Variants in GABRG3 observed in about 807,000 individuals in gnomAD.
GABRG3 encodes gamma-aminobutyric acid receptor subunit gamma-3.
Under a neutral mutation model 48.8 loss-of-function variants are expected in GABRG3, and 25 were observed. That is an observed-to-expected ratio of 0.51 (90% CI 0.37 to 0.72). The LOEUF (loss-of-function observed/expected upper bound fraction) is 0.72. GABRG3 is among the 30% of genes least tolerant of loss of function. GABRG3 has a pLI of 0.00. For synonymous variants in GABRG3, 227 were observed against 217.6 expected (o/e 1.04, Z -0.38); for missense variants, 394 against 577.9 (o/e 0.68, Z 3.26).
chr15:27,101,642 G>A (rs1433628401), intron 3 of GABRG3, among the ~76,000 whole-genome samples: 2 of 152,030 alleles, frequency 1.3e-5, no homozygotes, highest in Non-Finnish European at 2.9e-5. Context: ...ACATCGACCT[G>A]TTTACTGACA....
chr15:27,145,658 T>TATCTA (rs1555406027), intron 3 of GABRG3, among the ~76,000 whole-genome samples: 2 of 144,202 alleles, frequency 1.4e-5, no homozygotes, highest in African/African-American at 2.8e-5. Flanking sequence ...TCTATCTATC[T>TATCTA]ATCTATTGTG....
At chr15:27,033,877 C>T (rs927663142) in intron 3 of GABRG3, among the ~76,000 whole-genome samples, 6 of 152,128 alleles carry the variant, frequency 3.9e-5, no homozygotes, top group Non-Finnish European at 7.4e-5. Context: ...GTATTACAAC[C>T]TGTAAATTTT....
chr15:27,253,501 G>C (rs1166026991), intron 3 of GABRG3, among the ~76,000 whole-genome samples: 2 of 152,210 alleles, frequency 1.3e-5, no homozygotes, highest in African/African-American at 4.8e-5. Context: ...TCCCCACCTG[G>C]GGAAATTCAC....
At chr15:27,255,354 C>T (rs1890580546) in intron 3 of GABRG3, among the ~76,000 whole-genome samples, 1 of 152,206 alleles carries the variant, frequency 6.6e-6, no homozygotes, top group Non-Finnish European at 1.5e-5. Context: ...GATTCTCTAA[C>T]AGACTTTCCT....
At chr15:27,476,927 AAT>A (rs756375979) in intron 5 of GABRG3, among the ~76,000 whole-genome samples, 39 of 152,342 alleles carry the variant, frequency 2.6e-4, no homozygotes, top group Admixed American at 1.3e-3. Context: ...AGAGAAAAGC[AAT>A]ATTTACTTAC....
At chr15:27,068,553 G>T (rs960024830) in intron 3 of GABRG3, among the ~76,000 whole-genome samples, 2 of 152,238 alleles carry the variant, frequency 1.3e-5, no homozygotes, top group Non-Finnish European at 2.9e-5. Context: ...TGCTGACAAA[G>T]CTTACTGCCA....
intron 3 of GABRG3, among the ~76,000 whole-genome samples, chr15:27,095,406 C>G (rs911878502): frequency 2.0e-5 from 3 of 152,148 alleles, no homozygotes; most frequent in African/African-American, 2.4e-5. Flanking sequence ...TACTTTCTTG[C>G]GACAGGTGTG....
chr15:27,065,936 C>T (rs1261190071), intron 3 of GABRG3, among the ~76,000 whole-genome samples: 1 of 152,176 alleles, frequency 6.6e-6, no homozygotes, highest in Non-Finnish European at 1.5e-5. Context: ...GACATGTCAA[C>T]CTGGATTTAT....
intron 3 of GABRG3, among the ~76,000 whole-genome samples, chr15:27,202,141 C>T (rs1291679239): frequency 1.3e-5 from 2 of 152,186 alleles, no homozygotes; most frequent in Non-Finnish European, 2.9e-5. Flanking sequence ...GGAAGTGACC[C>T]AATGCATACC....
At chr15:27,322,228 A>G (rs949865285) in intron 3 of GABRG3, among the ~76,000 whole-genome samples, 1 of 152,238 alleles carries the variant, frequency 6.6e-6, no homozygotes, top group Non-Finnish European at 1.5e-5. Context: ...TAAAACATCC[A>G]CACCATGCAT....
chr15:27,199,037 C>A (rs1034752325), intron 3 of GABRG3, among the ~76,000 whole-genome samples: 1 of 152,004 alleles, frequency 6.6e-6, no homozygotes, highest in African/African-American at 2.4e-5. Context: ...GGAGAAATAC[C>A]TAATGTAGAT....
Position 27,238,927 on chromosome 15 carries a change from C to T in GABRG3, c.271-87882C>T, listed in dbSNP as rs533323060. 2.6e-5 allele frequency among the ~76,000 whole-genome samples: 4 copies of T among 152,172 alleles called. No individual in the cohort carries two copies. In the South Asian group the frequency reaches 8.3e-4, roughly 32 times the overall value. On this transcript the variant is annotated intron_variant, in intron 3 of 9. Transcript: ENST00000615808. ...TCACGATTGTTAGTATCCCAACAAACAAAATAAACAAACAGAAACCAAAAT... is the reference window on the plus strand; with the variant it reads ...TCACGATTGTTAGTATCCCAACAAATAAAATAAACAAACAGAAACCAAAAT...
intron 5 of GABRG3, among the ~76,000 whole-genome samples, chr15:27,462,641 C>T (rs984497100): frequency 2.6e-5 from 4 of 152,236 alleles, no homozygotes; most frequent in African/African-American, 9.6e-5. Context: ...GTGTTAACTT[C>T]TCCTATCACT....
In GABRG3 at chr15:27,304,272, C is replaced by T. The variant is rs920901220; in HGVS notation, c.271-22537C>T. ...AATTGGAGAGGAAGACATGAAAGTG[C>T]CATTTGTGGAAGATATGACACTTTA... On this transcript the variant is annotated intron_variant, in intron 3 of 9. Coordinates refer to ENST00000615808, the MANE Select transcript of GABRG3 (RefSeq NM_033223.5). Among the ~76,000 whole-genome samples, 3 of 151,842 alleles carry T rather than the reference C, an allele frequency of 2.0e-5. No individual in the cohort carries two copies. In the East Asian group the frequency reaches 5.8e-4, roughly 29 times the overall value.
At chr15:26,993,220 T>C (rs952127942) in intron 2 of GABRG3, among the ~76,000 whole-genome samples, 5 of 152,128 alleles carry the variant, frequency 3.3e-5, no homozygotes, top group African/African-American at 1.2e-4. Flanking sequence ...TCTGCTCTGA[T>C]CTTTATTATT....
rs112352795 is a variant in GABRG3 at position 27,280,795 on chromosome 15, C to A, written c.271-46014C>A. 3.2e-3 allele frequency among the ~76,000 whole-genome samples: 493 copies of A among 152,178 alleles called. 3 individuals carry two copies. The highest frequency in any genetic ancestry group is 0.011 in the African/African-American group (448 of 41,558). On this transcript the variant is annotated intron_variant, in intron 3 of 9. Coordinates refer to ENST00000615808, the MANE Select transcript of GABRG3 (RefSeq NM_033223.5). ...TTTGATGACTGCAAGAAAATAATAT[C>A]TTTTGTTGGTGATGGTAAATTCTAC...
intron 3 of GABRG3, among the ~76,000 whole-genome samples, chr15:27,298,153 G>T (rs1195547688): frequency 6.6e-6 from 1 of 152,070 alleles, no homozygotes; most frequent in South Asian, 2.1e-4. Context: ...AAACAATCCA[G>T]TCAAAGGCAG....
chr15:27,247,548 C>G (rs1890306778), intron 3 of GABRG3, among the ~76,000 whole-genome samples: 1 of 152,116 alleles, frequency 6.6e-6, no homozygotes, highest in Admixed American at 6.5e-5. Context: ...CCCAACTCTA[C>G]CAGGAAAGGA....
intron 2 of GABRG3, among the ~76,000 whole-genome samples, chr15:26,987,172 G>T (rs2140643423): frequency 6.6e-6 from 1 of 152,250 alleles, no homozygotes; most frequent in South Asian, 2.1e-4. Context: ...GCGGGAGAAT[G>T]GCGTGAGCCC....
Sources: gnomAD v4.1 joint callset for allele counts (sites outside exome capture counted in the v4.1 genomes callset) on GRCh38, gnomAD v4.1.1 for gene constraint, MANE v1.5 for transcripts, NCBI Gene and HGNC (gene_info 2026-07-23, HGNC 2026-07-21) for gene names.